PARD3B: variants seen among roughly 807,000 people sequenced by gnomAD.
The protein encoded by PARD3B is par-3 family cell polarity regulator beta.
Under a neutral mutation model 130.2 loss-of-function variants are expected in PARD3B, and 103 were observed. That is an observed-to-expected ratio of 0.79 (90% confidence interval 0.67 to 0.93). The LOEUF (loss-of-function observed/expected upper bound fraction) is 0.93. Among genes scored for constraint, PARD3B ranks in the 40% least tolerant of loss-of-function variants. PARD3B has a pLI of 0.00. For missense variants in PARD3B, 1,609 were observed against 1,499.2 expected, an observed-to-expected ratio of 1.07 and a Z score of -1.21; for synonymous variants, 583 against 553.2, an observed-to-expected ratio of 1.05 and a Z score of -0.76.
chr2:205,523,684 A>G (rs1180914968), intron 21 of PARD3B, among the ~76,000 whole-genome samples: 1 of 152,026 alleles, frequency 6.6e-6, no homozygotes, highest in Non-Finnish European at 1.5e-5. Flanking sequence ...GAAGGTGTAT[A>G]TTTTTAAAAT....
chr2:205,206,171 C>A (rs1165104077), intron 15 of PARD3B, among the ~76,000 whole-genome samples: 1 of 150,404 alleles, frequency 6.6e-6, no homozygotes, highest in African/African-American at 2.4e-5. Context: ...GTTTCCTAAA[C>A]CATTGTTCAT....
chr2:205,047,857 A>G, intron 4 of PARD3B, 167 bp downstream of exon 4: 1 of 500,764 alleles, frequency 2.0e-6, no homozygotes, highest in South Asian at 3.4e-5. Flanking sequence ...ACTTGTATAT[A>G]GTTATAGCGA....
chr2:204,957,745 A>G (rs1690387975), intron 2 of PARD3B, among the ~76,000 whole-genome samples: 1 of 152,134 alleles, frequency 6.6e-6, no homozygotes, highest in Non-Finnish European at 1.5e-5. Flanking sequence ...GCAGATGCAC[A>G]CATACATTTA....
At chr2:205,412,033 G>C (rs1030593053) in intron 19 of PARD3B, among the ~76,000 whole-genome samples, 1 of 152,068 alleles carries the variant, frequency 6.6e-6, no homozygotes, top group Non-Finnish European at 1.5e-5. Flanking sequence ...ACATTAAGGG[G>C]GTGGCAACTC....
intron 14 of PARD3B, among the ~76,000 whole-genome samples, chr2:205,190,587 T>C (rs1257758853): frequency 6.6e-6 from 1 of 152,230 alleles, no homozygotes; most frequent in Non-Finnish European, 1.5e-5. Context: ...CCAGATCTTC[T>C]GGCTCTGGTC....
At chr2:204,800,304 T>C (rs1040529423) in intron 2 of PARD3B, among the ~76,000 whole-genome samples, 1 of 151,958 alleles carries the variant, frequency 6.6e-6, no homozygotes, top group Admixed American at 6.6e-5. Flanking sequence ...TTAGTAGGCT[T>C]AAAGACAGGA....
intron 1 of PARD3B, among the ~76,000 whole-genome samples, chr2:204,618,616 T>C (rs1475182640): frequency 6.6e-6 from 1 of 152,188 alleles, no homozygotes; most frequent in East Asian, 1.9e-4. Flanking sequence ...TCTTTTACAA[T>C]AATAATGCTT....
intron 2 of PARD3B, among the ~76,000 whole-genome samples, chr2:204,758,740 C>T (rs1342276981): frequency 2.0e-5 from 3 of 152,150 alleles, no homozygotes; most frequent in African/African-American, 7.2e-5. Context: ...TGTTAGAATG[C>T]TTGCTTAGAT....
intron 20 of PARD3B, among the ~76,000 whole-genome samples, chr2:205,454,979 A>G (rs943710723): frequency 7.9e-5 from 12 of 152,278 alleles, no homozygotes; most frequent in African/African-American, 2.6e-4. Context: ...ATGATATTAT[A>G]TACAACATTT....
chr2:204,671,935 T>A (rs182996281), intron 1 of PARD3B, among the ~76,000 whole-genome samples: 116 of 152,302 alleles, frequency 7.6e-4, no homozygotes, highest in African/African-American at 2.6e-3. Flanking sequence ...GTCGGAAAAC[T>A]TTTCCTCAAC....
chr2:205,227,057 GTT>G (rs201634658), intron 15 of PARD3B, among the ~76,000 whole-genome samples: 23 of 147,782 alleles, frequency 1.6e-4, no homozygotes, highest in African/African-American at 5.7e-4. Context: ...TAATTTCAGG[GTT>G]TTTTTTTTGC....
At chr2:204,914,208 G>C (rs13006910) in intron 2 of PARD3B, among the ~76,000 whole-genome samples, 32,511 of 152,064 alleles carry the variant, frequency 0.21, 3,978 homozygotes, top group Non-Finnish European at 0.28. Flanking sequence ...CTGTTAACAA[G>C]AACCTCTCTT....
intron 1 of PARD3B, among the ~76,000 whole-genome samples, chr2:204,548,908 T>G (rs1195492102): frequency 1.3e-5 from 2 of 152,276 alleles, no homozygotes; most frequent in African/African-American, 2.4e-5. Context: ...GTAAAGTAAG[T>G]CCATTATTTT....
intron 13 of PARD3B, among the ~76,000 whole-genome samples, chr2:205,181,337 A>T (rs2035775909): frequency 6.6e-6 from 1 of 152,218 alleles, no homozygotes; most frequent in Non-Finnish European, 1.5e-5. Context: ...AGATTGAATT[A>T]TACGTTTCAA....
At chr2:205,507,259 G>C (rs1381213732) in intron 21 of PARD3B, among the ~76,000 whole-genome samples, 3 of 116,204 alleles carry the variant, frequency 2.6e-5, no homozygotes, top group Non-Finnish European at 4.9e-5. Context: ...CTGTCACGCA[G>C]GCTGGAGTGC....
chr2:204,998,652 TAA>T (rs1306373505), intron 3 of PARD3B, among the ~76,000 whole-genome samples: 4 of 151,762 alleles, frequency 2.6e-5, no homozygotes, highest in Non-Finnish European at 5.9e-5. Context: ...TAAATTCTAC[TAA>T]ACATTTTTCC....
intron 2 of PARD3B, among the ~76,000 whole-genome samples, chr2:204,911,303 G>C (rs965968370): frequency 6.6e-6 from 1 of 152,138 alleles, no homozygotes; most frequent in African/African-American, 2.4e-5. Flanking sequence ...AATTCAATAC[G>C]ATAATGCTGT....
intron 4 of PARD3B, among the ~76,000 whole-genome samples, chr2:205,054,434 ATATTT>A (rs1229121906): frequency 4.7e-4 from 14 of 29,486 alleles, no homozygotes; most frequent in Non-Finnish European, 6.0e-4. Flanking sequence ...ATATATATAT[ATATTT>A]TTTTTTTTTT....
At chr2:204,810,808 A>G (rs1453956715) in intron 2 of PARD3B, among the ~76,000 whole-genome samples, 1 of 152,134 alleles carries the variant, frequency 6.6e-6, no homozygotes, top group Non-Finnish European at 1.5e-5. Flanking sequence ...TGATATCAGG[A>G]TGATGCTGGC....
Sources: gnomAD v4.1 joint callset for allele counts (sites outside exome capture counted in the v4.1 genomes callset) on GRCh38, gnomAD v4.1.1 for gene constraint, MANE v1.5 for transcripts, NCBI Gene and HGNC (gene_info 2026-07-23, HGNC 2026-07-21) for gene names.